PTGES3: variants seen among roughly 807,000 people sequenced by gnomAD.
PTGES3 encodes prostaglandin E synthase 3, also known as Hsp90 co-chaperone.
A neutral mutation model predicts 29.9 loss-of-function variants in PTGES3; 5 were observed. The ratio of observed to expected loss-of-function variants is 0.17; its 90% CI spans 0.09 to 0.35. The LOEUF (loss-of-function observed/expected upper bound fraction) is 0.35. Ranked by LOEUF, PTGES3 falls within the 10% of genes least tolerant of loss-of-function variation. PTGES3 has a pLI of 1.00. For synonymous variants in PTGES3, 49 were observed against 57.8 expected (o/e 0.85, Z 0.69); for missense variants, 128 against 190.0 (o/e 0.67, Z 1.92).
Position 56,685,399 on chromosome 12 carries a change from CTTTTTTTTTT to C in PTGES3, c.2+2589_2+2598del, listed in dbSNP as rs143526249. Reference sequence around the variant, plus strand: ...TTTTGAAGGTAGCATTTTTTCTTTTCTTTTTTTTTTTTTTTTTTTTTAAGACAGTCTCGCT... The same window carrying C: ...TTTTGAAGGTAGCATTTTTTCTTTTCTTTTTTTTTTTAAGACAGTCTCGCT... On this transcript the variant is annotated intron_variant, in intron 1 of 7. Transcript: ENST00000262033. Among the ~76,000 whole-genome samples, 152 of 131,172 alleles carry C rather than the reference CTTTTTTTTTT, an allele frequency of 1.2e-3. 1 individual carries two copies. Among genetic ancestry groups the C allele is most frequent in the African/African-American group, 4.0e-3 (135 of 33,348 alleles). The allele number at this position is 131,172 out of a possible 152,430, so 86.1% of individuals were successfully genotyped here.
chr12:56,677,287 T>G (rs1417176266), intron 1 of PTGES3, among the ~76,000 whole-genome samples: 1 of 151,272 alleles, frequency 6.6e-6, no homozygotes, highest in Non-Finnish European at 1.5e-5. Context: ...CCATAAAACA[T>G]TACCTTGAAC....
rs1217536763 is a variant in PTGES3 at position 56,676,119 on chromosome 12, G to A, written c.3-3054C>T. On this transcript the variant is annotated intron_variant, in intron 1 of 7. Transcript: ENST00000262033. ...CGTATGCCTGTAATACCAGCTATTT[G>A]GGAGGCTGGGAGGGGGAGGGGGAGG... Among the ~76,000 whole-genome samples the A allele has an allele frequency of 7.9e-5, 12 of 151,278 alleles. No individual in the cohort carries two copies. In the East Asian group the frequency reaches 2.1e-3, roughly 27 times the overall value.
At chr12:56,667,230 A>G (rs528189226) in intron 5 of PTGES3, among the ~76,000 whole-genome samples, 21 of 152,310 alleles carry the variant, frequency 1.4e-4, no homozygotes, top group African/African-American at 4.3e-4. Context: ...TGGTATTCTC[A>G]TCATGGTTTT....
At chr12:56,673,236 A>C (rs1447440427) in intron 1 of PTGES3, among the ~76,000 whole-genome samples, 171 bp from the exon 2 acceptor site, 1 of 152,184 alleles carries the variant, frequency 6.6e-6, no homozygotes, top group Non-Finnish European at 1.5e-5. Flanking sequence ...TATGGGTCTA[A>C]CAAGATTTAG....
chr12:56,673,174 T>C (rs1390967122), intron 1 of PTGES3, 109 bp from the exon 2 acceptor site: 1 of 668,536 alleles, frequency 1.5e-6, no homozygotes, highest in East Asian at 3.1e-5. Context: ...TTGTTACAAT[T>C]TTAAACAAAA....
At chr12:56,665,614 T>TC in intron 6 of PTGES3, 30 of 985,480 alleles carry the variant, frequency 3.0e-5, no homozygotes, top group Non-Finnish European at 3.6e-5. Context: ...TAACTTACTT[T>TC]CTTAGTCAAA....
chr12:56,671,131 G>T (rs990919386), intron 4 of PTGES3, among the ~76,000 whole-genome samples: 2 of 152,158 alleles, frequency 1.3e-5, no homozygotes, highest in African/African-American at 2.4e-5. Flanking sequence ...TGGTGTCGTG[G>T]CTCATGCCTG....
intron 1 of PTGES3, among the ~76,000 whole-genome samples, chr12:56,681,725 T>C (rs1476746151): frequency 6.7e-6 from 1 of 149,262 alleles, no homozygotes; most frequent in Non-Finnish European, 1.5e-5. Flanking sequence ...TACGGTGGCA[T>C]GCGCCTGTAA....
chr12:56,677,186 G>A (rs1437520003), intron 1 of PTGES3, among the ~76,000 whole-genome samples: 1 of 150,458 alleles, frequency 6.6e-6, no homozygotes, highest in Non-Finnish European at 1.5e-5. Context: ...GTTGCAGTAA[G>A]CCAGATAGCG....
chr12:56,687,936 G>T (rs982853344), intron 1 of PTGES3, 62 bp downstream of exon 1: 3 of 1,603,672 alleles, frequency 1.9e-6, no homozygotes, highest in Admixed American at 3.4e-5. Context: ...CGCTTCCAGG[G>T]AGCCCCCAAC....
At chr12:56,669,097 C>T (rs1951897878) in intron 5 of PTGES3, among the ~76,000 whole-genome samples, 1 of 148,976 alleles carries the variant, frequency 6.7e-6, no homozygotes, top group Admixed American at 6.9e-5. Flanking sequence ...GCAACCTCTA[C>T]CTCCTGGGTT....
intron 6 of PTGES3, chr12:56,665,506 G>A (rs1951752244): frequency 3.1e-6 from 3 of 975,344 alleles, no homozygotes; most frequent in Admixed American, 6.2e-5. Flanking sequence ...TCTTGGCCAG[G>A]CTGGCCTGAA....
At chr12:56,667,545 G>A (rs972841119) in intron 5 of PTGES3, among the ~76,000 whole-genome samples, 1 of 152,138 alleles carries the variant, frequency 6.6e-6, no homozygotes, top group Admixed American at 6.6e-5. Context: ...AGCACGTCAT[G>A]CTATGTGAAA....
intron 1 of PTGES3, among the ~76,000 whole-genome samples, chr12:56,673,996 C>T (rs1315954103): frequency 1.3e-5 from 2 of 151,954 alleles, no homozygotes; most frequent in East Asian, 3.9e-4. Flanking sequence ...AACACTGGTA[C>T]ATCAGAGCTT....
At chr12:56,681,537 C>CA (rs34581651) in intron 1 of PTGES3, among the ~76,000 whole-genome samples, 16,596 of 25,724 alleles carry the variant, frequency 0.65, 6,113 homozygotes, top group East Asian at 0.77. Flanking sequence ...GACTCCATCT[C>CA]AAAAAAAAAA....
At chr12:56,667,594 A>G (rs762679169) in intron 5 of PTGES3, among the ~76,000 whole-genome samples, 4 of 152,252 alleles carry the variant, frequency 2.6e-5, no homozygotes, top group Non-Finnish European at 4.4e-5. Context: ...GATTCCACTT[A>G]TATGAGATAC....
At chr12:56,680,078 G>GTTTT (rs111760867) in intron 1 of PTGES3, among the ~76,000 whole-genome samples, 3 of 139,568 alleles carry the variant, frequency 2.1e-5, no homozygotes, top group African/African-American at 5.3e-5. Context: ...ATTGGTTTTG[G>GTTTT]TTTTTTTTTT....
intron 1 of PTGES3, chr12:56,687,247 C>T: frequency 9.9e-7 from 1 of 1,014,910 alleles, no homozygotes; most frequent in Non-Finnish European, 1.2e-6. Flanking sequence ...AGTGAAACCT[C>T]ACCTCAAGTA....
intron 3 of PTGES3, 45 bp downstream of exon 3, chr12:56,672,695 T>C (rs1952053794): frequency 6.7e-7 from 1 of 1,502,884 alleles, no homozygotes; most frequent in Non-Finnish European, 8.9e-7. Flanking sequence ...GGTATGTCTG[T>C]TTCCTCACAA....
Sources: gnomAD v4.1 joint callset for allele counts (sites outside exome capture counted in the v4.1 genomes callset) on GRCh38, gnomAD v4.1.1 for gene constraint, MANE v1.5 for transcripts, NCBI Gene and HGNC (gene_info 2026-07-23, HGNC 2026-07-21) for gene names.